Variants in NOP56 observed in about 807,000 individuals in gnomAD.
NOP56 encodes the protein nucleolar protein 56.
A neutral mutation model predicts 58.3 loss-of-function variants in NOP56; 31 were observed. The observed-to-expected ratio is 0.53, with a 90% confidence interval of 0.40 to 0.72. NOP56 has a LOEUF of 0.72. Ranked by LOEUF, NOP56 falls within the 30% of genes least tolerant of loss-of-function variation. NOP56 has a pLI of 0.00. For missense variants in NOP56, 669 were observed against 739.9 expected, an observed-to-expected ratio of 0.90 and a Z score of 1.11; for synonymous variants, 313 against 282.8, an observed-to-expected ratio of 1.11 and a Z score of -1.07.
chr20:2,654,532 G>A lies in NOP56; in HGVS notation c.327G>A (p.Gly109=), dbSNP rs115291519. 6 of 1,614,206 alleles carry A rather than the reference G, an allele frequency of 3.7e-6. No homozygotes were observed. Among genetic ancestry groups the A allele is most frequent in the African/African-American group, 2.7e-5 (2 of 75,044 alleles). ...KIGAAIQEEL[G]YNCQTGGVIA... is the part of the protein sequence containing the mutation. ...GTGCCGCAATACAGGAGGAGTTAGG[G>A]TACAACTGCCAGACTGGAGGAGTCA... Residue 109 remains glycine (G), a synonymous_variant, in exon 4 of 12, where the codon GGG becomes GGA. Transcript: ENST00000329276.
rs1208369890 is a variant in NOP56, at chr20:2,654,770, A to G, written c.392A>G (p.Asn131Ser). 14 of 1,613,898 alleles carry G rather than the reference A, an allele frequency of 8.7e-6. 1 individual carries two copies. Among genetic ancestry groups the G allele is most frequent in the Middle Eastern group, 3.3e-4 (2 of 6,084 alleles). Reference sequence around the variant, plus strand: ...TTAGGAGTTCGTCTGCACTTCCACAATCTGGTGAAGGGTCTGACCGATCTG... The same window carrying G: ...TTAGGAGTTCGTCTGCACTTCCACAGTCTGGTGAAGGGTCTGACCGATCTG... ...ILRGVRLHFH[N>S]LVKGLTDLSA... Residue 131 changes from asparagine (N) to serine (S), a missense_variant, in exon 5 of 12, where the codon AAT (asparagine) becomes AGT (serine). Physicochemically the swap from Asn to Ser is conservative, Grantham distance 46 (BLOSUM62 1). Transcript: ENST00000329276.
chr20:2,653,496 T>A, intron 3 of NOP56, 103 bp downstream of exon 3: 1 of 854,700 alleles, frequency 1.2e-6, no homozygotes, highest in Non-Finnish European at 2.0e-6. Flanking sequence ...GCTCTGAGTC[T>A]GATAGGCGTG....
chr20:2,654,926 A>G lies in NOP56; in HGVS notation c.548A>G (p.Asn183Ser). 4 of 1,614,200 alleles carry G rather than the reference A, an allele frequency of 2.5e-6. No homozygotes were observed. The highest frequency in any genetic ancestry group is 3.4e-6 in the Non-Finnish European group (4 of 1,180,038). The stretch of plus-strand genomic sequence containing the variant: ...CTGGACCAGCTGGATAAGGACATCA[A>G]TACCTTCTCTATGCGTGTCAGGTAA... The part of the protein sequence containing the change: ...SLLDQLDKDI[N>S]TFSMRVREWY... The change falls in exon 5 of 12, where the codon AAT becomes AGT. Residue 183 changes from asparagine (N) to serine (S), a missense_variant. Asn to Ser is a conservative substitution (Grantham distance 46). Transcript: ENST00000329276.
chr20:2,656,056 C>G (rs1297931637), intron 8 of NOP56, 22 bp downstream of exon 8: 4 of 1,613,948 alleles, frequency 2.5e-6, no homozygotes, highest in Non-Finnish European at 3.4e-6. Context: ...GGCACCTGCC[C>G]ACAATCAGGT....
rs2086837856 is a variant in NOP56, at chr20:2,657,319, T to A, written c.1419+101T>A. 10 of 1,525,322 alleles carry A rather than the reference T, an allele frequency of 6.6e-6. No individual in the cohort carries two copies. The South Asian group carries it at 1.1e-4, about 17-fold the overall frequency. 94.5% of individuals were successfully genotyped at this position (1,525,322 alleles called of 1,614,324 possible). On this transcript the variant is annotated intron_variant, in intron 11 of 11. Coordinates refer to ENST00000329276, the MANE Select transcript of NOP56 (RefSeq NM_006392.4). ...TCAAGCTGTGGTCTTGAGTCCAGGC[T>A]TTTGGACTGAAACAAGGACCTGAAA...
chr20:2,657,846 G>A (rs11699380), intron 11 of NOP56, 83 bp from the exon 12 acceptor site: 126,383 of 1,434,364 alleles, frequency 0.088, 6,485 homozygotes, highest in East Asian at 0.23. Context: ...TTAACGACAC[G>A]CGTTCCCCTG....
In NOP56 at chr20:2,657,194, CAGT is replaced by C. The variant is rs752054980; in HGVS notation, c.1400_1402del (p.Ser467del). 40 of 1,614,120 alleles carry C rather than the reference CAGT, an allele frequency of 2.5e-5. No individual in the cohort carries two copies. Among genetic ancestry groups the C allele is most frequent in the Non-Finnish European group, 3.2e-5 (38 of 1,180,030 alleles). On this transcript the variant is annotated inframe_deletion, in exon 11 of 12. Coordinates refer to ENST00000329276, the MANE Select transcript of NOP56 (RefSeq NM_006392.4). ...TTGCCCTCGCGTCTTCAGAAAACAG[CAGT>C]AGTACTCCAGAGGAGTGTGAGGTCA...
chr20:2,655,614 T>C lies in NOP56; in HGVS notation c.777T>C (p.Ile259=). The change falls in exon 7 of 12, where the codon ATT becomes ATC. Residue 259 remains isoleucine, a synonymous_variant. Transcript: ENST00000329276. ...RSSMGMDISA[I]DLINIESFSS... ...TCCTAGGCATGGACATATCTGCCAT[T>C]GACTTGATAAACATCGAGAGCTTCT... The C allele has an allele frequency of 6.2e-7, 1 of 1,614,228 alleles. No individual in the cohort carries two copies. Among genetic ancestry groups the C allele is most frequent in the Non-Finnish European group, 8.5e-7 (1 of 1,180,046 alleles).
chr20:2,652,643 A>C lies in NOP56; in HGVS notation c.-18A>C. On this transcript the variant is annotated 5_prime_UTR_variant, in exon 1 of 12. Coordinates refer to ENST00000329276, the MANE Select transcript of NOP56 (RefSeq NM_006392.4). ...AGCGCGCTAGCCGCATTGCGAGCCG[A>C]ACCCGGGAGCTGGCGCCATGGTGAG... 1 of 1,416,840 alleles carries C rather than the reference A, an allele frequency of 7.1e-7. No homozygotes were observed. The highest frequency in any genetic ancestry group is 9.1e-7 in the Non-Finnish European group (1 of 1,093,560). The allele number at this position is 1,416,840 out of a possible 1,614,324, so 87.8% of individuals were successfully genotyped here.
At chr20:2,655,179 T>G in intron 5 of NOP56, 146 bp from the exon 6 acceptor site, 1 of 1,166,138 alleles carries the variant, frequency 8.6e-7, no homozygotes, top group Non-Finnish European at 1.3e-6. Context: ...CTGGTCTGTA[T>G]TGTGAATGGG....
chr20:2,656,983 A>G, intron 10 of NOP56, 88 bp downstream of exon 10: 1 of 1,613,492 alleles, frequency 6.2e-7, no homozygotes, highest in Non-Finnish European at 8.5e-7. Context: ...GAATGGAGGC[A>G]AAAAAACTGA....
intron 2 of NOP56, 68 bp from the exon 3 acceptor site, chr20:2,653,211 C>T (rs2086773530): frequency 2.3e-6 from 3 of 1,287,732 alleles, no homozygotes; most frequent in East Asian, 2.3e-5. Flanking sequence ...GGCTGAGAAC[C>T]GCTGCTTGAC....
At position 2,654,754 on chromosome 20, in the gene NOP56, C is replaced by T. The variant is rs1219647407; in HGVS notation, c.376C>T (p.Arg126Cys). Residue 126 changes from arginine to cysteine, a missense_variant, in exon 5 of 12, where the codon CGT becomes TGT. Around this residue, in one of 3 missense-constraint regions of NOP56, gnomAD observed 339 missense variants for 430.5 expected, o/e 0.79. Transcript: ENST00000329276. ...GVIAEILRGV[R>C]LHFHNLVKGL... is the part of the protein sequence containing the mutation. ...CCGTCTTGCCCTCTTCTTAGGAGTT[C>T]GTCTGCACTTCCACAATCTGGTGAA... The T allele has an allele frequency of 2.5e-6, 4 of 1,613,750 alleles. No homozygotes were observed. Among genetic ancestry groups the T allele is most frequent in the Non-Finnish European group, 3.4e-6 (4 of 1,180,042 alleles).
chr20:2,653,325 G>A lies in NOP56; in HGVS notation c.140G>A (p.Arg47His). Residue 47 changes from arginine (R) to histidine (H), a missense_variant, in exon 3 of 12, where the codon CGT becomes CAT. Physicochemically the swap from Arg to His is conservative, Grantham distance 29. This residue lies in a region of NOP56 where 121 missense variants were observed against 113.1 expected (regional missense o/e 1.07). Coordinates refer to ENST00000329276, the MANE Select transcript of NOP56 (RefSeq NM_006392.4). ...LNLGKFHSIV[R>H]LVAFCPFASS... is the part of the protein sequence containing the mutation. ...CTGGGCAAATTCCACAGCATCGTTC[G>A]TCTGGTGGCCTTTTGTCCCTTTGCC... 6.2e-7 allele frequency: 1 copy of A among 1,614,174 alleles called. No homozygotes were observed. Among genetic ancestry groups the A allele is most frequent in the South Asian group, 1.1e-5 (1 of 91,072 alleles).
Position 2,655,356 on chromosome 20 carries a change from GTGAAGATCA to G in NOP56, c.603_611del (p.Lys202_Ile204del). The G allele has an allele frequency of 6.2e-7, 1 of 1,614,160 alleles. No individual in the cohort carries two copies. ...GTACGGGTATCACTTTCCGGAGCTG[GTGAAGATCA>G]TCAACGACAATGCCACATACTGCCG... On this transcript the variant is annotated inframe_deletion, in exon 6 of 12. Transcript: ENST00000329276.
In NOP56 at chr20:2,652,950, C is replaced by A. The variant is rs373478399; in HGVS notation, c.93+19C>A. On this transcript the variant is annotated intron_variant, in intron 2 of 11. Transcript: ENST00000329276. The stretch of plus-strand genomic sequence containing the variant: ...GCCGCAGGTGGGTGAGATCCGTGGG[C>A]TCCTTTGGCGGCCCCGCAGACCCTC... 54 of 1,574,280 alleles carry A rather than the reference C, an allele frequency of 3.4e-5. No homozygotes were observed. In the South Asian group the frequency reaches 5.5e-4, roughly 16 times the overall value.
At chr20:2,657,789 A>G in intron 11 of NOP56, 140 bp from the exon 12 acceptor site, 2 of 943,018 alleles carry the variant, frequency 2.1e-6, no homozygotes, top group Non-Finnish European at 3.1e-6. Flanking sequence ...GTGGATTTCT[A>G]AAGTTATACC....
intron 8 of NOP56, 106 bp from the exon 9 acceptor site, chr20:2,656,295 G>T: frequency 6.2e-7 from 1 of 1,604,970 alleles, no homozygotes; most frequent in South Asian, 1.1e-5. Context: ...AATCTGGCCT[G>T]AGGCTCACTC....
intron 3 of NOP56, 62 bp from the exon 4 acceptor site, chr20:2,654,352 G>A: frequency 1.3e-6 from 2 of 1,591,060 alleles, no homozygotes; most frequent in Middle Eastern, 1.7e-4. Flanking sequence ...GTAGTCAGCT[G>A]AGGGATGTTA....
Sources: allele counts gnomAD v4.1 joint callset, GRCh38; gene constraint gnomAD v4.1.1; regional missense constraint gnomAD v4.1.1; transcripts MANE v1.5; gene names NCBI Gene and HGNC (gene_info 2026-07-23, HGNC 2026-07-21).